Variants in AGAP2 observed in about 807,000 individuals in gnomAD.
The protein encoded by AGAP2 is arf-GAP with GTPase, ANK repeat and PH domain-containing protein 2.
In AGAP2, 32 loss-of-function variants were observed where a neutral mutation model predicts 110.9. The ratio of observed to expected loss-of-function variants is 0.29; its 90% CI spans 0.22 to 0.39. The LOEUF is 0.39. Ranked by LOEUF, AGAP2 falls within the 10% of genes least tolerant of loss-of-function variation. The pLI, the probability that AGAP2 is intolerant of heterozygous loss-of-function variation, is 1.00. For synonymous variants in AGAP2, 702 were observed against 713.0 expected, an observed-to-expected ratio of 0.98 and a Z score of 0.25; for missense variants, 1,285 against 1,638.5, an observed-to-expected ratio of 0.78 and a Z score of 3.72.
intron 13 of AGAP2, 136 bp downstream of exon 13, chr12:57,729,503 T>C: frequency 1.6e-6 from 2 of 1,274,390 alleles, no homozygotes; most frequent in Non-Finnish European, 2.1e-6. Flanking sequence ...ACTCTTTCAC[T>C]AAGTTGTGTG....
chr12:57,738,329 C>T lies in AGAP2; in HGVS notation c.-83G>A, dbSNP rs1955031071. On this transcript the variant is annotated 5_prime_UTR_variant, in exon 1 of 19. Coordinates refer to ENST00000547588, the MANE Select transcript of AGAP2 (RefSeq NM_001122772.3). The surrounding 1 kb of genome is among the most constrained non-coding windows in gnomAD (Gnocchi z 6.7). Reference sequence around the variant, plus strand: ...GGGGCCCGGCCATGGGGCCGCCCTGCTCGCTGCCCCCAGCCCCCGGACCCC... The same window carrying T: ...GGGGCCCGGCCATGGGGCCGCCCTGTTCGCTGCCCCCAGCCCCCGGACCCC... The T allele has an allele frequency of 7.5e-7, 1 of 1,327,470 alleles. No homozygotes were observed. The highest frequency in any genetic ancestry group is 1.6e-5 in the African/African-American group (1 of 64,144). 82.2% of individuals were successfully genotyped at this position (1,327,470 alleles called of 1,614,324 possible). A position where few individuals can be genotyped will look rare whatever the true frequency, so the allele number is the denominator to read the frequency against.
intron 12 of AGAP2, 23 bp from the exon 13 acceptor site, chr12:57,729,790 C>T: frequency 2.5e-6 from 4 of 1,579,030 alleles, no homozygotes; most frequent in South Asian, 1.2e-5. Flanking sequence ...GACACAGCTG[C>T]CTCAGTAGCC....
rs1203404967 is a variant in AGAP2, at chr12:57,737,524, G to A, written c.723C>T (p.Ala241=). ...CTGTAGAGCCCCCTCCCCCGGCGGC[G>A]GCGGCGGTGGCGGCGGCAGAGACCG... is the stretch of plus-strand genomic sequence containing the variant. ...GASVSAAATA[A]AAGGGGSTAS... The change falls in exon 1 of 19, where the codon GCC becomes GCT. Residue 241 remains alanine, a synonymous_variant. Coordinates refer to ENST00000547588, the MANE Select transcript of AGAP2 (RefSeq NM_001122772.3). This position sits in a 1 kb window ranked among gnomAD's most constrained non-coding sequence, Gnocchi z 5.9. 4 of 1,562,294 alleles carry A rather than the reference G, an allele frequency of 2.6e-6. No individual in the cohort carries two copies. Among genetic ancestry groups the A allele is most frequent in the Admixed American group, 1.9e-5 (1 of 51,768 alleles).
At chr12:57,739,595 C>T (rs1053337560), upstream of AGAP2, 1 of 152,276 alleles carries the variant, frequency 6.6e-6, no homozygotes, top group Non-Finnish European at 1.5e-5. Context: ...TGATACCCCC[C>T]CATGCCAAAA....
At chr12:57,728,590 G>A (rs1232507277) in intron 13 of AGAP2, among the ~76,000 whole-genome samples, 1 of 152,178 alleles carries the variant, frequency 6.6e-6, no homozygotes, top group Non-Finnish European at 1.5e-5. Flanking sequence ...CAAGAGCCAT[G>A]AGAGTAGGCA....
rs1954794060 is a variant in AGAP2 at position 57,727,506 on chromosome 12, T to C, written c.2934A>G (p.Thr978=). Residue 978 remains threonine, a synonymous_variant, in exon 17 of 19, where the codon ACA becomes ACG. Transcript: ENST00000547588. ...CCAGCGAGCGAACGCGGGACAGGTGTGTGCCCAGGTTGCGGTGGATGCCAG... is the reference window on the plus strand; with the variant it reads ...CCAGCGAGCGAACGCGGGACAGGTGCGTGCCCAGGTTGCGGTGGATGCCAG... ...ECSGIHRNLG[T]HLSRVRSLDL... is the part of the protein sequence containing the mutation. 1 of 1,612,478 alleles carries C rather than the reference T, an allele frequency of 6.2e-7. No homozygotes were observed. The highest frequency in any genetic ancestry group is 1.3e-5 in the African/African-American group (1 of 74,530).
At chr12:57,739,561 G>A (rs1219681854), upstream of AGAP2, among the ~76,000 whole-genome samples, 1 of 152,144 alleles carries the variant, frequency 6.6e-6, no homozygotes, top group Non-Finnish European at 1.5e-5. Context: ...GCTCTAGGAG[G>A]AGGGAGAAGG....
upstream of AGAP2, among the ~76,000 whole-genome samples, chr12:57,739,114 C>T (rs1955045675): frequency 6.6e-6 from 1 of 152,056 alleles, no homozygotes; most frequent in Non-Finnish European, 1.5e-5. Flanking sequence ...GACTCACCTC[C>T]TCCAACAACC....
upstream of AGAP2, chr12:57,742,039 T>G: frequency 1.9e-6 from 3 of 1,614,170 alleles, no homozygotes; most frequent in Non-Finnish European, 1.7e-6. Context: ...CTGCTCTCAC[T>G]GCAGCTACAA....
At chr12:57,729,280 C>A (rs1402603787) in intron 13 of AGAP2, among the ~76,000 whole-genome samples, 1 of 149,774 alleles carries the variant, frequency 6.7e-6, no homozygotes, top group African/African-American at 2.5e-5. Context: ...GTGGGAGATG[C>A]TGAGATAAGG....
intron 5 of AGAP2, 65 bp downstream of exon 5, chr12:57,733,961 G>A: frequency 6.7e-7 from 1 of 1,502,104 alleles, no homozygotes; most frequent in Non-Finnish European, 8.9e-7. Context: ...ACCCATGTTG[G>A]GCAATATCCC....
chr12:57,733,947 T>A, intron 5 of AGAP2, 79 bp downstream of exon 5: 1 of 1,482,828 alleles, frequency 6.7e-7, no homozygotes, highest in Non-Finnish European at 9.0e-7. Flanking sequence ...CTTACCAAGT[T>A]CTCACCCATG....
rs1328093957 is a variant in AGAP2 at position 57,735,400 on chromosome 12, G to A, written c.1196C>T (p.Thr399Ile). ...CAGTTCAGGAATGGAGCGGCTCAAA[G>A]TCCATTCCTGGCTATTGATCACAGC... The part of the protein sequence containing the change: ...PKAVINSQEW[T>I]LSRSIPELRL... The change falls in exon 2 of 19, where the codon ACT (threonine) becomes ATT (isoleucine). Residue 399 changes from threonine (T) to isoleucine (I), a missense_variant. By Grantham distance (89) the Thr-to-Ile change is moderately conservative. This residue lies in a region of AGAP2 where 844 missense variants were observed against 941.2 expected (regional missense o/e 0.90). Coordinates refer to ENST00000547588, the MANE Select transcript of AGAP2 (RefSeq NM_001122772.3). 1 of 1,613,808 alleles carries A rather than the reference G, an allele frequency of 6.2e-7. No homozygotes were observed. The highest frequency in any genetic ancestry group is 8.5e-7 in the Non-Finnish European group (1 of 1,179,964).
In AGAP2 at chr12:57,737,474, G is replaced by A; in HGVS notation, c.773C>T (p.Ala258Val). 1.2e-6 allele frequency: 2 copies of A among 1,609,878 alleles called. No homozygotes were observed. Among genetic ancestry groups the A allele is most frequent in the Non-Finnish European group, 1.7e-6 (2 of 1,178,256 alleles). The change falls in exon 1 of 19, where the codon GCT becomes GTT. Residue 258 changes from alanine (A) to valine (V), a missense_variant. Ala to Val is a moderately conservative substitution (Grantham distance 64). Coordinates refer to ENST00000547588, the MANE Select transcript of AGAP2 (RefSeq NM_001122772.3). This position sits in a 1 kb window ranked among gnomAD's most constrained non-coding sequence, Gnocchi z 5.9. ...CAACTTCCCTCGGGCTCCAGCCCCA[G>A]CCCCGACCCCACCAGAGGTCGAAGC... ...STASTSGGVG[A>V]GAGARGKLSP... is the part of the protein sequence containing the mutation.
Position 57,734,374 on chromosome 12 carries a change from TCCA to T in AGAP2, c.1343_1345del (p.Val448del), listed in dbSNP as rs1954941306. On this transcript the variant is annotated inframe_deletion, in exon 4 of 19. Coordinates refer to ENST00000547588, the MANE Select transcript of AGAP2 (RefSeq NM_001122772.3). ...GATTAGCACCAGATGTGTCTGTCCATCCACCAACATTTCTTTCTTGTACTGCTC... is the reference window on the plus strand; with the variant it reads ...GATTAGCACCAGATGTGTCTGTCCATCCAACATTTCTTTCTTGTACTGCTC... 1.9e-6 allele frequency: 3 copies of T among 1,614,088 alleles called. No homozygotes were observed. Among genetic ancestry groups the T allele is most frequent in the African/African-American group, 1.3e-5 (1 of 74,936 alleles).
In AGAP2 at chr12:57,727,174, G is replaced by A; in HGVS notation, c.3136C>T (p.Pro1046Ser). The A allele has an allele frequency of 6.2e-7, 1 of 1,609,856 alleles. No homozygotes were observed. Among genetic ancestry groups the A allele is most frequent in the South Asian group, 1.1e-5 (1 of 90,554 alleles). The change falls in exon 18 of 19, where the codon CCG becomes TCG. Residue 1046 changes from proline to serine, a missense_variant. Pro to Ser is a moderately conservative substitution (Grantham distance 74). Coordinates refer to ENST00000547588, the MANE Select transcript of AGAP2 (RefSeq NM_001122772.3). ...AKYEQLLFLA[P>S]LSTSEEPLGR... ...AGCGGCTCCTCCGAGGTGCTCAGCG[G>A]CGCCAGGAACAGTAGCTGCTCGTAC...
In AGAP2 at chr12:57,732,412, T is replaced by A. The variant is rs768386827; in HGVS notation, c.1785A>T (p.Val595=). 5.1e-5 allele frequency: 82 copies of A among 1,601,284 alleles called. No homozygotes were observed. The highest frequency in any genetic ancestry group is 6.7e-5 in the Non-Finnish European group (79 of 1,173,060). Residue 595 remains valine (V), a synonymous_variant, in exon 7 of 19, where the codon GTA becomes GTT. Transcript: ENST00000547588. The part of the protein sequence containing the change: ...SPSHSAASTP[V]AGQASNGGHT... The stretch of plus-strand genomic sequence containing the variant: ...TGAAACCCCAACTCACCTGGCCAGC[T>A]ACCGGAGTGGATGCAGCTGAGTGGC...
At chr12:57,736,995 G>C (rs1954993895) in intron 1 of AGAP2, 84 bp downstream of exon 1, 6 of 1,444,372 alleles carry the variant, frequency 4.2e-6, no homozygotes, top group Non-Finnish European at 5.5e-6. Flanking sequence ...AGCTTCCCTA[G>C]TTTCCTGGAC....
intron 5 of AGAP2, among the ~76,000 whole-genome samples, 179 bp downstream of exon 5, chr12:57,733,847 G>T (rs1360515022): frequency 6.6e-6 from 1 of 152,146 alleles, no homozygotes; most frequent in Non-Finnish European, 1.5e-5. Flanking sequence ...CTCAGACCTT[G>T]GGAAGTTATT....
Sources: allele counts gnomAD v4.1 joint callset (sites outside exome capture counted in the v4.1 genomes callset), GRCh38; gene constraint gnomAD v4.1.1; regional missense constraint gnomAD v4.1.1; non-coding constraint Gnocchi (gnomAD v3.1); transcripts MANE v1.5; gene names NCBI Gene and HGNC (gene_info 2026-07-23, HGNC 2026-07-21).